MARCHF2: variants seen among roughly 807,000 people sequenced by gnomAD.
The protein encoded by MARCHF2 is membrane associated ring-CH-type finger 2, also known as E3 ubiquitin-protein ligase MARCHF2.
In MARCHF2, 22 loss-of-function variants were observed where a neutral mutation model predicts 24.0. The observed-to-expected ratio is 0.92, with a 90% CI of 0.66 to 1.31. The LOEUF (loss-of-function observed/expected upper bound fraction) is 1.31. Ranked by LOEUF, MARCHF2 falls within the 50% of genes most tolerant of loss-of-function variation. MARCHF2 has a pLI of 0.00. For missense variants in MARCHF2, 301 were observed against 335.3 expected, an observed-to-expected ratio of 0.90 and a Z score of 0.80; for synonymous variants, 154 against 153.0, an observed-to-expected ratio of 1.01 and a Z score of -0.05.
intron 1 of MARCHF2, among the ~76,000 whole-genome samples, chr19:8,419,382 T>C (rs1967165409): frequency 6.6e-6 from 1 of 152,104 alleles, no homozygotes; most frequent in South Asian, 2.1e-4. Context: ...TAGTCTCAGC[T>C]ACTCAGCAGG....
chr19:8,429,478 ACTT>A (rs995496762), intron 3 of MARCHF2, among the ~76,000 whole-genome samples: 2 of 107,002 alleles, frequency 1.9e-5, no homozygotes, highest in South Asian at 3.4e-4. Context: ...AAATGAAAGA[ACTT>A]ATTATTATTA....
At position 8,414,244 on chromosome 19, in the gene MARCHF2, T is replaced by C. The variant is rs569749746; in HGVS notation, c.-53+824T>C. Among the ~76,000 whole-genome samples, 10 of 152,292 alleles carry C rather than the reference T, an allele frequency of 6.6e-5. 1 individual carries two copies. The highest frequency in any genetic ancestry group is 2.4e-4 in the African/African-American group (10 of 41,566). The stretch of plus-strand genomic sequence containing the variant: ...TATTAACTTCTTAATTTTTTACTAA[T>C]TTATGAACTACATATCATTATGACT... On this transcript the variant is annotated intron_variant, in intron 1 of 4. Transcript: ENST00000215555.
intron 2 of MARCHF2, 35 bp from the exon 3 acceptor site, chr19:8,426,574 C>T (rs373466158): frequency 6.6e-5 from 105 of 1,585,870 alleles, no homozygotes; most frequent in Non-Finnish European, 8.7e-5. Flanking sequence ...ACAGAAAGCC[C>T]AATCATTGCT....
In MARCHF2 at chr19:8,430,987, G is replaced by T; in HGVS notation, c.582+120G>T. 1 of 1,003,200 alleles carries T rather than the reference G, an allele frequency of 1.0e-6. No individual in the cohort carries two copies. Among genetic ancestry groups the T allele is most frequent in the Non-Finnish European group, 1.4e-6 (1 of 694,128 alleles). The allele number at this position is 1,003,200 out of a possible 1,614,324, so 62.1% of individuals were successfully genotyped here. ...TCCCTGGCTGCCTCTGTCTATGGCC[G>T]TGGGTGGAAGAGAGCTTCTGAGGTC... On this transcript the variant is annotated intron_variant, in intron 4 of 4. Coordinates refer to ENST00000215555, the MANE Select transcript of MARCHF2 (RefSeq NM_001005415.2). This position sits in a 1 kb window ranked among gnomAD's most constrained non-coding sequence, Gnocchi z 4.4.
rs1293544178 is a variant in MARCHF2, at chr19:8,426,666, C to A, written c.234C>A (p.Ser78=). 1 of 1,614,014 alleles carries A rather than the reference C, an allele frequency of 6.2e-7. No homozygotes were observed. Among genetic ancestry groups the A allele is most frequent in the Non-Finnish European group, 8.5e-7 (1 of 1,180,008 alleles). ...HEGANGECLL[S]PCGCTGTLGA... ...GAGCGAACGGGGAGTGCTTGCTGTC[C>A]CCGTGTGGCTGCACCGGCACGCTGG... The change falls in exon 3 of 5, where the codon TCC becomes TCA. Residue 78 remains serine, a synonymous_variant. Coordinates refer to ENST00000215555, the MANE Select transcript of MARCHF2 (RefSeq NM_001005415.2).
intron 1 of MARCHF2, among the ~76,000 whole-genome samples, chr19:8,418,998 T>A (rs1414721640): frequency 2.0e-5 from 3 of 151,988 alleles, no homozygotes; most frequent in African/African-American, 7.2e-5. Flanking sequence ...GGAACAGAGA[T>A]CCTTGGCTCC....
intron 3 of MARCHF2, among the ~76,000 whole-genome samples, chr19:8,429,479 CTTATTATTATTA>C (rs144546795): frequency 0.32 from 46,144 of 142,180 alleles, 7,674 homozygotes; most frequent in Non-Finnish European, 0.37. Flanking sequence ...AATGAAAGAA[CTTATTATTATTA>C]TTATTATTAT....
chr19:8,414,100 C>T (rs1967017698), intron 1 of MARCHF2, among the ~76,000 whole-genome samples: 2 of 152,148 alleles, frequency 1.3e-5, no homozygotes, highest in African/African-American at 4.8e-5. Flanking sequence ...CACATTTACC[C>T]TAAAAAATAT....
At position 8,438,623 on chromosome 19, in the gene MARCHF2, C is replaced by A; in HGVS notation, c.*77C>A. ...ACCCTGTCCTGTGGAAGGACTTCCA[C>A]TTCAACACTTCCACTTCAACAGTTC... is the stretch of plus-strand genomic sequence containing the variant. On this transcript the variant is annotated 3_prime_UTR_variant, in exon 5 of 5. Coordinates refer to ENST00000215555, the MANE Select transcript of MARCHF2 (RefSeq NM_001005415.2). 6.9e-7 allele frequency: 1 copy of A among 1,441,790 alleles called. No individual in the cohort carries two copies. The highest frequency in any genetic ancestry group is 9.4e-7 in the Non-Finnish European group (1 of 1,063,368). The allele number at this position is 1,441,790 out of a possible 1,614,324, so 89.3% of individuals were successfully genotyped here. A position where few individuals can be genotyped will look rare whatever the true frequency, so the allele number is the denominator to read the frequency against.
At chr19:8,421,735 A>C (rs1967249268) in intron 1 of MARCHF2, 54 bp from the exon 2 acceptor site, 3 of 999,536 alleles carry the variant, frequency 3.0e-6, no homozygotes, top group Non-Finnish European at 4.3e-6. Flanking sequence ...CTCAAACCTT[A>C]GTCCGTCAGG....
At position 8,438,637 on chromosome 19, in the gene MARCHF2, CT is replaced by C; in HGVS notation, c.*93del. 7.1e-7 allele frequency: 1 copy of C among 1,400,924 alleles called. No homozygotes were observed. The highest frequency in any genetic ancestry group is 9.7e-7 in the Non-Finnish European group (1 of 1,026,474). 86.8% of individuals were successfully genotyped at this position (1,400,924 alleles called of 1,614,324 possible). ...AAGGACTTCCACTTCAACACTTCCA[CT>C]TCAACAGTTCCCGCACGGCCTGAAC... is the stretch of plus-strand genomic sequence containing the variant. On this transcript the variant is annotated 3_prime_UTR_variant, in exon 5 of 5. Transcript: ENST00000215555.
intron 3 of MARCHF2, 124 bp downstream of exon 3, chr19:8,426,928 C>T: frequency 1.2e-6 from 1 of 815,604 alleles, no homozygotes; most frequent in South Asian, 1.8e-5. Context: ...CCGCCCCTGT[C>T]CACCAGGTGG....
At position 8,438,854 on chromosome 19, in the gene MARCHF2, G is replaced by C. The variant is rs1967804302; in HGVS notation, c.*308G>C. ...CCTTCTGGGCCAGCAGCTGTGGCCG[G>C]TGTATCAAGGGCGCCCTTAAAGCTG... On this transcript the variant is annotated 3_prime_UTR_variant, in exon 5 of 5. Transcript: ENST00000215555. The C allele has an allele frequency of 3.8e-6, 1 of 260,644 alleles. No homozygotes were observed. Among genetic ancestry groups the C allele is most frequent in the South Asian group, 9.8e-5 (1 of 10,232 alleles). 16.1% of individuals were successfully genotyped at this position (260,644 alleles called of 1,614,324 possible). A position where few individuals can be genotyped will look rare whatever the true frequency, so the allele number is the denominator to read the frequency against.
intron 3 of MARCHF2, among the ~76,000 whole-genome samples, chr19:8,429,576 C>G (rs1967520873): frequency 6.6e-6 from 1 of 151,336 alleles, no homozygotes; most frequent in Non-Finnish European, 1.5e-5. Context: ...ACGATCTTGG[C>G]TTACTGCAAC....
At position 8,416,960 on chromosome 19, in the gene MARCHF2, G is replaced by T. The variant is rs563178922; in HGVS notation, c.-53+3540G>T. On this transcript the variant is annotated intron_variant, in intron 1 of 4. Transcript: ENST00000215555. ...TCGAGTTCAGTGAGATGATGACTATGTATGGAGATTGCTTGGCATAGTGTC... is the reference window on the plus strand; with the variant it reads ...TCGAGTTCAGTGAGATGATGACTATTTATGGAGATTGCTTGGCATAGTGTC... Among the ~76,000 whole-genome samples, 193 of 152,252 alleles carry T rather than the reference G, an allele frequency of 1.3e-3. 1 individual carries two copies. Among genetic ancestry groups the T allele is most frequent in the African/African-American group, 4.5e-3 (188 of 41,562 alleles).
At chr19:8,415,061 C>T (rs189043282) in intron 1 of MARCHF2, among the ~76,000 whole-genome samples, 9 of 152,280 alleles carry the variant, frequency 5.9e-5, no homozygotes, top group Admixed American at 1.3e-4. Context: ...GCCTCTTTCC[C>T]CATCATAGGG....
Position 8,438,449 on chromosome 19 carries a change from G to C in MARCHF2, c.644G>C (p.Arg215Pro). The C allele has an allele frequency of 6.2e-7, 1 of 1,614,124 alleles. No homozygotes were observed. The highest frequency in any genetic ancestry group is 8.5e-7 in the Non-Finnish European group (1 of 1,180,022). ...SEWRKTNQKV[R>P]LKIREADSPE... ...TGGAGAAAGACCAACCAGAAAGTTC[G>C]CCTGAAGATCCGGGAGGCGGACAGC... Residue 215 changes from arginine (R) to proline (P), a missense_variant, in exon 5 of 5, where the codon CGC (arginine) becomes CCC (proline). By Grantham distance (103) the Arg-to-Pro change is moderately radical. Coordinates refer to ENST00000215555, the MANE Select transcript of MARCHF2 (RefSeq NM_001005415.2).
rs575984618 is a variant in MARCHF2, at chr19:8,430,634, T to G, written c.373-24T>G. The G allele has an allele frequency of 8.8e-6, 14 of 1,598,722 alleles. No homozygotes were observed. The highest frequency in any genetic ancestry group is 1.2e-5 in the Non-Finnish European group (14 of 1,175,532). ...AGCCCCTTCTCTGCCCCCTCTCCTCTGCCCCCTATCCTCTCCCCTGCAGTG... is the reference window on the plus strand; with the variant it reads ...AGCCCCTTCTCTGCCCCCTCTCCTCGGCCCCCTATCCTCTCCCCTGCAGTG... On this transcript the variant is annotated intron_variant, in intron 3 of 4. Transcript: ENST00000215555. This position sits in a 1 kb window ranked among gnomAD's most constrained non-coding sequence, Gnocchi z 4.4.
intron 1 of MARCHF2, among the ~76,000 whole-genome samples, chr19:8,415,035 C>T (rs984628848): frequency 1.3e-5 from 2 of 152,098 alleles, no homozygotes; most frequent in African/African-American, 4.8e-5. Context: ...AAGTAGGTGC[C>T]TCTCTCCGAG....
Sources: allele counts gnomAD v4.1 joint callset (sites outside exome capture counted in the v4.1 genomes callset), GRCh38; gene constraint gnomAD v4.1.1; non-coding constraint Gnocchi (gnomAD v3.1); transcripts MANE v1.5; gene names NCBI Gene and HGNC (gene_info 2026-07-23, HGNC 2026-07-21).